SGK1: variants seen among roughly 807,000 people sequenced by gnomAD.
SGK1 encodes the protein serum/glucocorticoid regulated kinase 1.
Under a neutral mutation model 64.2 loss-of-function variants are expected in SGK1, and 26 were observed. The ratio of observed to expected loss-of-function variants is 0.40; its 90% CI spans 0.30 to 0.56. The LOEUF is 0.56. SGK1 is among the 20% of genes least tolerant of loss of function. The pLI is 0.38. For missense variants in SGK1, 519 were observed against 645.6 expected, an observed-to-expected ratio of 0.80 and a Z score of 2.12; for synonymous variants, 265 against 239.7, an observed-to-expected ratio of 1.11 and a Z score of -0.98.
At chr6:134,246,993 T>C (rs554417227) in intron 2 of SGK1, among the ~76,000 whole-genome samples, 1 of 152,116 alleles carries the variant, frequency 6.6e-6, no homozygotes, top group Non-Finnish European at 1.5e-5. Flanking sequence ...TGATGCATAG[T>C]AGGGCCAGTG....
At chr6:134,227,626 C>T (rs1454511946) in intron 2 of SGK1, among the ~76,000 whole-genome samples, 1 of 152,184 alleles carries the variant, frequency 6.6e-6, no homozygotes, top group African/African-American at 2.4e-5. Flanking sequence ...TCCTAAAGTG[C>T]TTTACATTTA....
intron 1 of SGK1, chr6:134,297,747 T>G (rs763450447): frequency 4.2e-6 from 2 of 476,276 alleles, no homozygotes; most frequent in South Asian, 3.9e-5. Context: ...GTGATCAGCC[T>G]GCCTCGGCCT....
intron 2 of SGK1, among the ~76,000 whole-genome samples, chr6:134,212,178 C>T (rs1038647115): frequency 4.6e-5 from 7 of 151,800 alleles, no homozygotes; most frequent in African/African-American, 1.2e-4. Context: ...CTCAGCCTCC[C>T]GAGTAGCTGG....
intron 2 of SGK1, among the ~76,000 whole-genome samples, chr6:134,221,505 T>C (rs1776090294): frequency 6.6e-6 from 1 of 152,130 alleles, no homozygotes; most frequent in South Asian, 2.1e-4. Context: ...GGCTTGCTTG[T>C]CATTTTGTTT....
chr6:134,315,236 G>C (rs764275692), intron 1 of SGK1, among the ~76,000 whole-genome samples: 1 of 151,934 alleles, frequency 6.6e-6, no homozygotes, highest in Non-Finnish European at 1.5e-5. Context: ...TTTATCCCTG[G>C]GGCATTCAAT....
At position 134,262,111 on chromosome 6, in the gene SGK1, T is replaced by C. The variant is rs1281731107; in HGVS notation, c.107A>G (p.Asp36Gly). The change falls in exon 2 of 14, where the codon GAC becomes GGC. Residue 36 changes from aspartate to glycine, a missense_variant. By Grantham distance (94) the Asp-to-Gly change is moderately conservative. This residue lies in a region of SGK1 where 241 missense variants were observed against 236.9 expected (regional missense o/e 1.02). Transcript: ENST00000367858. ...CTTCAGGCTGGGACTCTGATGCTTG[T>C]CCACACTGACCATTGGGCTCTTGAT... ...RWIKSPMVSV[D>G]KHQSPSLKYT... The C allele has an allele frequency of 6.2e-7, 1 of 1,607,494 alleles. No individual in the cohort carries two copies. The highest frequency in any genetic ancestry group is 8.5e-7 in the Non-Finnish European group (1 of 1,175,016).
rs538038393 is a variant in SGK1, at chr6:134,287,798, T to A, written c.70-25650A>T. Among the ~76,000 whole-genome samples the A allele has an allele frequency of 2.0e-5, 3 of 152,278 alleles. No homozygotes were observed. In the East Asian group the frequency reaches 5.8e-4, roughly 29 times the overall value. On this transcript the variant is annotated intron_variant, in intron 1 of 13. Coordinates refer to ENST00000367858, the MANE Select transcript of SGK1 (RefSeq NM_001143676.3). Reference sequence around the variant, plus strand: ...AGTTTTTTTATGGAAAGTAATTTTGTACTATGCAAGAGACATAGGGGACCC... The same window carrying A: ...AGTTTTTTTATGGAAAGTAATTTTGAACTATGCAAGAGACATAGGGGACCC...
chr6:134,282,659 A>AT (rs1001755442), intron 1 of SGK1, among the ~76,000 whole-genome samples: 42 of 151,460 alleles, frequency 2.8e-4, no homozygotes, highest in Admixed American at 9.2e-4. Context: ...TCTCAAAAAA[A>AT]AAAATAAAAT....
At chr6:134,187,004 C>G (rs528419395) in intron 3 of SGK1, among the ~76,000 whole-genome samples, 1 of 151,904 alleles carries the variant, frequency 6.6e-6, no homozygotes, top group Non-Finnish European at 1.5e-5. Flanking sequence ...TTAGTACAGA[C>G]GGGGTTTCAG....
At chr6:134,170,551 C>G in intron 13 of SGK1, 116 bp from the exon 14 acceptor site, 3 of 971,768 alleles carry the variant, frequency 3.1e-6, no homozygotes, top group Non-Finnish European at 4.6e-6. Flanking sequence ...TCCATAATCA[C>G]CCACTTCAAG....
intron 1 of SGK1, among the ~76,000 whole-genome samples, chr6:134,277,876 T>C (rs906995718): frequency 6.6e-6 from 1 of 152,196 alleles, no homozygotes; most frequent in Non-Finnish European, 1.5e-5. Context: ...TGATTTGGAT[T>C]TCCTCACAAT....
intron 1 of SGK1, among the ~76,000 whole-genome samples, chr6:134,310,945 GA>G (rs1777599574): frequency 6.6e-6 from 1 of 152,176 alleles, no homozygotes; most frequent in Non-Finnish European, 1.5e-5. Context: ...GGAGATTAGT[GA>G]ATCACTGCTA....
At chr6:134,195,741 A>G (rs1408336344) in intron 3 of SGK1, among the ~76,000 whole-genome samples, 3 of 152,186 alleles carry the variant, frequency 2.0e-5, no homozygotes, top group African/African-American at 7.2e-5. Flanking sequence ...GTTCGCTCCA[A>G]TTTGAGGATT....
chr6:134,232,831 G>A (rs1276734665), intron 2 of SGK1, among the ~76,000 whole-genome samples: 7 of 148,676 alleles, frequency 4.7e-5, no homozygotes, highest in Admixed American at 1.3e-4. Flanking sequence ...CAGCCTGGGC[G>A]ACAGAGTGAG....
chr6:134,279,846 C>T (rs1490096903), intron 1 of SGK1, among the ~76,000 whole-genome samples: 3 of 152,132 alleles, frequency 2.0e-5, no homozygotes, highest in Non-Finnish European at 4.4e-5. Context: ...CACTATATTA[C>T]AGTCTGGTTA....
At chr6:134,179,830 T>C (rs895707136) in intron 3 of SGK1, among the ~76,000 whole-genome samples, 2 of 152,156 alleles carry the variant, frequency 1.3e-5, no homozygotes, top group Non-Finnish European at 2.9e-5. Context: ...AGTGAGCCCA[T>C]AGGAAAATTG....
rs528137134 is a variant in SGK1, at chr6:134,179,218, C to T, written c.362-4632G>A. Among the ~76,000 whole-genome samples, 206 of 152,000 alleles carry T rather than the reference C, an allele frequency of 1.4e-3. 1 individual carries two copies. The highest frequency in any genetic ancestry group is 3.4e-3 in the Middle Eastern group (1 of 294). On this transcript the variant is annotated intron_variant, in intron 3 of 13. Transcript: ENST00000367858. ...TATCAGCTGTAATTGTCATGATTCC[C>T]CGGGTATGTTATCTTCCATTGATAA...
At chr6:134,236,212 G>A (rs1478910360) in intron 2 of SGK1, among the ~76,000 whole-genome samples, 1 of 152,156 alleles carries the variant, frequency 6.6e-6, no homozygotes, top group Non-Finnish European at 1.5e-5. Context: ...GAGTGAGGAA[G>A]TTAAACACAA....
At chr6:134,219,781 C>G (rs1335755299) in intron 2 of SGK1, among the ~76,000 whole-genome samples, 1 of 148,968 alleles carries the variant, frequency 6.7e-6, no homozygotes, top group Non-Finnish European at 1.5e-5. Flanking sequence ...AAAAAGAGGC[C>G]GGGCGCGGTG....
Sources: allele counts gnomAD v4.1 joint callset (sites outside exome capture counted in the v4.1 genomes callset), GRCh38; gene constraint gnomAD v4.1.1; regional missense constraint gnomAD v4.1.1; transcripts MANE v1.5; gene names NCBI Gene and HGNC (gene_info 2026-07-23, HGNC 2026-07-21).